The following TYK2 variants were observed in gnomAD, a reference collection of about 807,000 sequenced individuals.
TYK2 encodes non-receptor tyrosine-protein kinase TYK2.
In TYK2, 65 loss-of-function variants were observed where a neutral mutation model predicts 130.9. The ratio of observed to expected loss-of-function variants is 0.50; its 90% CI spans 0.41 to 0.61. The LOEUF (loss-of-function observed/expected upper bound fraction) is 0.61, where lower values mean the gene tolerates loss of function less well. TYK2 is among the 20% of genes least tolerant of loss of function. The probability of loss-of-function intolerance (pLI) is 0.00; values close to 1 mark genes in which losing one functional copy is unlikely to be tolerated. For missense variants in TYK2, 1,378 were observed against 1,610.7 expected (o/e 0.86, Z 2.47); for synonymous variants, 647 against 658.9 (o/e 0.98, Z 0.28).
At chr19:10,368,545 C>T (rs1334442774) in intron 3 of TYK2, 127 bp from the exon 4 acceptor site, 1 of 1,414,828 alleles carries the variant, frequency 7.1e-7, no homozygotes, top group Non-Finnish European at 9.8e-7. Context: ...CAGCTTCAGT[C>T]TCACGTTGCC....
rs2042253304 is a variant in TYK2, at chr19:10,378,562, G to A, written c.-20-136C>T. The A allele has an allele frequency of 7.2e-6, 5 of 691,162 alleles. No homozygotes were observed. In the East Asian group the frequency reaches 1.1e-4, roughly 15 times the overall value. 42.8% of individuals were successfully genotyped at this position (691,162 alleles called of 1,614,324 possible). A position where few individuals can be genotyped will look rare whatever the true frequency, so the allele number is the denominator to read the frequency against. ...CATCTTGGCATGACATTAGAGACCCGATTCCCTCTCTGAGTCTCGTTTTCC... is the reference window on the plus strand; with the variant it reads ...CATCTTGGCATGACATTAGAGACCCAATTCCCTCTCTGAGTCTCGTTTTCC... On this transcript the variant is annotated intron_variant, in intron 2 of 24. Transcript: ENST00000525621.
At position 10,353,492 on chromosome 19, in the gene TYK2, G is replaced by A. The variant is rs934634930; in HGVS notation, c.3027+36C>T. The A allele has an allele frequency of 9.1e-6, 13 of 1,428,846 alleles. No homozygotes were observed. In the African/African-American group the frequency reaches 1.3e-4, roughly 14 times the overall value. 88.5% of individuals were successfully genotyped at this position (1,428,846 alleles called of 1,614,324 possible). A position where few individuals can be genotyped will look rare whatever the true frequency, so the allele number is the denominator to read the frequency against. ...AGGCCAGCCCAAGCTGAAGAGGAAG[G>A]GGCAAGCTCCAGAAGCAGGGGCGGG... On this transcript the variant is annotated intron_variant, in intron 21 of 24. Transcript: ENST00000525621. This position sits in a 1 kb window ranked among gnomAD's most constrained non-coding sequence, Gnocchi z 6.9.
At chr19:10,379,914 A>C (rs1312553127) in intron 1 of TYK2, 135 bp from the exon 2 acceptor site, 2 of 152,308 alleles carry the variant, frequency 1.3e-5, no homozygotes, top group Non-Finnish European at 2.9e-5. Context: ...GAGTGACCTC[A>C]GTCCCTGTTG....
At chr19:10,373,742 G>T (rs1165296902) in intron 3 of TYK2, among the ~76,000 whole-genome samples, 1 of 152,124 alleles carries the variant, frequency 6.6e-6, no homozygotes. Flanking sequence ...TGCTCCCGGA[G>T]AATGCCCAAC....
At chr19:10,367,539 C>G (rs1040921920) in intron 5 of TYK2, among the ~76,000 whole-genome samples, 5 of 150,796 alleles carry the variant, frequency 3.3e-5, no homozygotes, top group African/African-American at 1.2e-4. Context: ...GTGGAAGAAT[C>G]GCTTCAACCT....
At chr19:10,371,828 C>T (rs2041917038) in intron 3 of TYK2, among the ~76,000 whole-genome samples, 1 of 152,052 alleles carries the variant, frequency 6.6e-6, no homozygotes, top group African/African-American at 2.4e-5. Context: ...TAGGCAGTCT[C>T]TTATTGAGGG....
intron 3 of TYK2, 90 bp from the exon 4 acceptor site, chr19:10,368,508 TCCCTCTGAGGCC>T: frequency 6.3e-7 from 1 of 1,582,930 alleles, no homozygotes. Context: ...GCCTTCACAC[TCCCTCTGAGGCC>T]CCCTCCCCCA....
chr19:10,374,193 A>G (rs1039277773), intron 3 of TYK2, among the ~76,000 whole-genome samples: 1 of 149,322 alleles, frequency 6.7e-6, no homozygotes, highest in East Asian at 2.0e-4. Context: ...GTGAACCCGG[A>G]AGGCGGAGCT....
At chr19:10,358,968 C>T (rs1461352963) in intron 15 of TYK2, among the ~76,000 whole-genome samples, 1 of 152,096 alleles carries the variant, frequency 6.6e-6, no homozygotes, top group Non-Finnish European at 1.5e-5. Flanking sequence ...GAGGCTGAGG[C>T]GGGAGAATCA....
At chr19:10,359,347 C>T in intron 14 of TYK2, 45 bp from the exon 15 acceptor site, 4 of 1,600,712 alleles carry the variant, frequency 2.5e-6, no homozygotes, top group Non-Finnish European at 3.4e-6. Context: ...TGCTTCTGCC[C>T]TCTGGATGGC....
At chr19:10,377,126 A>G (rs2042147916) in intron 3 of TYK2, among the ~76,000 whole-genome samples, 1 of 152,126 alleles carries the variant, frequency 6.6e-6, no homozygotes, top group South Asian at 2.1e-4. Context: ...GCTGGTCTCC[A>G]ACTACTGGCC....
At chr19:10,366,368 A>T in intron 6 of TYK2, 49 bp downstream of exon 6, 1 of 1,583,560 alleles carries the variant, frequency 6.3e-7, no homozygotes, top group Non-Finnish European at 8.6e-7. Flanking sequence ...CCAGATGCTC[A>T]GGACATTTCC....
rs2145252755 is a variant in TYK2, at chr19:10,365,808, C to A, written c.720G>T (p.Arg240Ser). 6.2e-7 allele frequency: 1 copy of A among 1,612,426 alleles called. No individual in the cohort carries two copies. Among genetic ancestry groups the A allele is most frequent in the Non-Finnish European group, 8.5e-7 (1 of 1,179,796 alleles). The change falls in exon 7 of 25, where the codon AGG (arginine) becomes AGT (serine). Residue 240 changes from arginine (R) to serine (S), a missense_variant. Physicochemically the swap from Arg to Ser is moderately radical, Grantham distance 110. Coordinates refer to ENST00000525621, the MANE Select transcript of TYK2 (RefSeq NM_003331.5). ...TRLRLRNVFR[R>S]FLRDFQPGRL... is the part of the protein sequence containing the mutation. The stretch of plus-strand genomic sequence containing the variant: ...GGCCCGGCTGGAAGTCCCGCAGGAA[C>A]CTGCGGAAGACGTTCCGAAGGCGCA...
intron 3 of TYK2, among the ~76,000 whole-genome samples, chr19:10,374,295 C>A (rs1010794817): frequency 2.7e-5 from 4 of 148,818 alleles, no homozygotes; most frequent in African/African-American, 9.9e-5. Context: ...AACAAAGAAT[C>A]AGCCATGGCC....
intron 3 of TYK2, among the ~76,000 whole-genome samples, chr19:10,368,901 T>C (rs1051190418): frequency 3.3e-5 from 5 of 151,854 alleles, no homozygotes; most frequent in Non-Finnish European, 7.4e-5. Flanking sequence ...TTCCGCCTCC[T>C]GGGTTCAAGT....
chr19:10,361,481 A>G lies in TYK2; in HGVS notation c.2047+30T>C, dbSNP rs1483005205. 1.3e-5 allele frequency: 20 copies of G among 1,545,394 alleles called. No individual in the cohort carries two copies. The highest frequency in any genetic ancestry group is 1.7e-5 in the Non-Finnish European group (20 of 1,146,326). ...GTATAAGTCAGGGGTGGCCTGCCAA[A>G]GGGGGATGGGTATGGCGGGACCCAC... is the stretch of plus-strand genomic sequence containing the variant. On this transcript the variant is annotated intron_variant, in intron 14 of 24. Coordinates refer to ENST00000525621, the MANE Select transcript of TYK2 (RefSeq NM_003331.5). This position sits in a 1 kb window ranked among gnomAD's most constrained non-coding sequence, Gnocchi z 4.0.
At chr19:10,360,902 G>T (rs1004996228) in intron 14 of TYK2, 1 of 264,014 alleles carries the variant, frequency 3.8e-6, no homozygotes. Context: ...ACAGGCATAG[G>T]TCACCATGCC....
In TYK2 at chr19:10,361,441, C is replaced by T; in HGVS notation, c.2047+70G>A. The T allele has an allele frequency of 7.7e-7, 1 of 1,303,242 alleles. No individual in the cohort carries two copies. Among genetic ancestry groups the T allele is most frequent in the Non-Finnish European group, 1.0e-6 (1 of 979,480 alleles). The allele number at this position is 1,303,242 out of a possible 1,614,324, so 80.7% of individuals were successfully genotyped here. ...GGGGTGTAGGTCGAGGGTTGGGGTA[C>T]AGATCAGGGAGTGGGTATAAGTCAG... is the stretch of plus-strand genomic sequence containing the variant. On this transcript the variant is annotated intron_variant, in intron 14 of 24. Transcript: ENST00000525621. This position sits in a 1 kb window ranked among gnomAD's most constrained non-coding sequence, Gnocchi z 4.0.
chr19:10,373,228 G>A (rs1186103527), intron 3 of TYK2, among the ~76,000 whole-genome samples: 1 of 151,862 alleles, frequency 6.6e-6, no homozygotes, highest in African/African-American at 2.4e-5. Flanking sequence ...AGTAGAGATG[G>A]GGTTTCATCA....
Sources: allele counts gnomAD v4.1 joint callset (sites outside exome capture counted in the v4.1 genomes callset), GRCh38; gene constraint gnomAD v4.1.1; non-coding constraint Gnocchi (gnomAD v3.1); transcripts MANE v1.5; gene names NCBI Gene and HGNC (gene_info 2026-07-23, HGNC 2026-07-21).